FAM107B: variants seen among roughly 807,000 people sequenced by gnomAD.
The protein encoded by FAM107B is protein FAM107B.
In FAM107B, 21 loss-of-function variants were observed where a neutral mutation model predicts 31.5. The ratio of observed to expected loss-of-function variants is 0.67; its 90% CI spans 0.47 to 0.96. The LOEUF is 0.96. Among genes scored for constraint, FAM107B ranks in the 40% least tolerant of loss-of-function variants. FAM107B has a pLI of 0.00. For missense variants in FAM107B, 452 were observed against 377.1 expected (o/e 1.20, Z -1.64); for synonymous variants, 157 against 141.5 (o/e 1.11, Z -0.78).
chr10:14,551,364 T>TA (rs1293303227), intron 2 of FAM107B, among the ~76,000 whole-genome samples: 2 of 152,108 alleles, frequency 1.3e-5, no homozygotes, highest in African/African-American at 4.8e-5. Context: ...AGGCTGGTCT[T>TA]AAACTCCTGA....
intron 1 of FAM107B, among the ~76,000 whole-genome samples, chr10:14,715,988 T>C (rs1252951236): frequency 6.6e-6 from 1 of 152,160 alleles, no homozygotes; most frequent in East Asian, 1.9e-4. Flanking sequence ...CTTATAAATC[T>C]ACATTTATAT....
rs569878066 is a variant in FAM107B, at chr10:14,580,851, G to A, written c.470-50336C>T. Among the ~76,000 whole-genome samples the A allele has an allele frequency of 8.5e-5, 13 of 152,312 alleles. No individual in the cohort carries two copies. In the South Asian group the frequency reaches 2.3e-3, roughly 27 times the overall value. ...ACTTCATACCAAGATGGAACGTAATGTATTCTGCAGAACGTTCTTCCCAGA... is the reference window on the plus strand; with the variant it reads ...ACTTCATACCAAGATGGAACGTAATATATTCTGCAGAACGTTCTTCCCAGA... On this transcript the variant is annotated intron_variant, in intron 2 of 4. Transcript: ENST00000181796.
chr10:14,569,235 TG>T (rs1434018591), intron 2 of FAM107B, among the ~76,000 whole-genome samples: 2 of 152,200 alleles, frequency 1.3e-5, no homozygotes, highest in Non-Finnish European at 2.9e-5. Context: ...AAAACCCTCA[TG>T]GGTTTGCAGA....
intron 1 of FAM107B, among the ~76,000 whole-genome samples, chr10:14,761,034 A>AAAAAC (rs1554757192): frequency 6.8e-6 from 1 of 146,634 alleles, no homozygotes. Context: ...AAAAAAAAAA[A>AAAAAC]AAGAAAGACA....
intron 2 of FAM107B, among the ~76,000 whole-genome samples, chr10:14,594,128 C>T (rs1408268420): frequency 6.6e-6 from 1 of 152,178 alleles, no homozygotes; most frequent in Non-Finnish European, 1.5e-5. Flanking sequence ...GACACTATGC[C>T]TAAGAATACT....
At chr10:14,686,783 T>C (rs150385707) in intron 1 of FAM107B, among the ~76,000 whole-genome samples, 1,840 of 152,202 alleles carry the variant, frequency 0.012, 21 homozygotes, top group South Asian at 0.026. Context: ...TGAGAAGAAA[T>C]GCTAAACTGA....
In FAM107B at chr10:14,543,691, T is replaced by TAAA. The variant is rs11318873; in HGVS notation, c.470-13179_470-13177dup. Among the ~76,000 whole-genome samples the TAAA allele has an allele frequency of 2.2e-4, 31 of 138,818 alleles. No individual in the cohort carries two copies. The East Asian group carries it at 3.8e-3, about 17-fold the overall frequency. The allele number at this position is 138,818 out of a possible 152,430, so 91.1% of individuals were successfully genotyped here. ...GTTCACTATCTGATCCTAAAAACTTTAAAAAAAAAAAAAAAAAACCAAAAA... is the reference window on the plus strand; with the variant it reads ...GTTCACTATCTGATCCTAAAAACTTTAAAAAAAAAAAAAAAAAAAAACCAAAAA... On this transcript the variant is annotated intron_variant, in intron 2 of 4. Coordinates refer to ENST00000181796, the MANE Select transcript of FAM107B (RefSeq NM_031453.4).
intron 2 of FAM107B, among the ~76,000 whole-genome samples, chr10:14,565,168 A>C (rs1299183930): frequency 6.6e-6 from 1 of 152,242 alleles, no homozygotes; most frequent in Non-Finnish European, 1.5e-5. Flanking sequence ...CTTGACACTG[A>C]GGATAAAGCA....
chr10:14,703,327 CT>C (rs532320563), intron 1 of FAM107B, among the ~76,000 whole-genome samples: 453 of 138,802 alleles, frequency 3.3e-3, no homozygotes, highest in Non-Finnish European at 4.3e-3. Context: ...CCTTCTTCTT[CT>C]TTTTTTTTTT....
intron 2 of FAM107B, among the ~76,000 whole-genome samples, chr10:14,541,856 C>T (rs1264543752): frequency 6.6e-6 from 1 of 152,198 alleles, no homozygotes; most frequent in Non-Finnish European, 1.5e-5. Context: ...GCTGCCGACT[C>T]CTTGTGCCTC....
At chr10:14,552,815 C>A (rs866773318) in intron 2 of FAM107B, among the ~76,000 whole-genome samples, 6 of 151,432 alleles carry the variant, frequency 4.0e-5, no homozygotes, top group African/African-American at 1.5e-4. Context: ...CAGAGTAAGA[C>A]TCCATTAAAA....
At chr10:14,668,726 T>A (rs1307936946) in intron 1 of FAM107B, among the ~76,000 whole-genome samples, 2 of 152,186 alleles carry the variant, frequency 1.3e-5, no homozygotes, top group African/African-American at 4.8e-5. Flanking sequence ...TTCTGTGGGA[T>A]CTTAACCTTT....
At chr10:14,548,613 C>T in intron 2 of FAM107B, 3 of 985,420 alleles carry the variant, frequency 3.0e-6, no homozygotes, top group Non-Finnish European at 3.6e-6. Flanking sequence ...AGAGACAGCC[C>T]CTGAGGAGGG....
At position 14,551,699 on chromosome 10, in the gene FAM107B, A is replaced by C. The variant is rs1365155778; in HGVS notation, c.470-21184T>G. Among the ~76,000 whole-genome samples the C allele has an allele frequency of 2.0e-5, 3 of 151,640 alleles. No homozygotes were observed. The East Asian group carries it at 5.8e-4, about 29-fold the overall frequency. ...AAAATGTATTAGCTCTGGAAAAAAAAATATCTGTATTACCATTACTATAAA... is the reference window on the plus strand; with the variant it reads ...AAAATGTATTAGCTCTGGAAAAAAACATATCTGTATTACCATTACTATAAA... On this transcript the variant is annotated intron_variant, in intron 2 of 4. Coordinates refer to ENST00000181796, the MANE Select transcript of FAM107B (RefSeq NM_031453.4).
At chr10:14,545,036 G>A (rs1049478315) in intron 2 of FAM107B, among the ~76,000 whole-genome samples, 1 of 152,168 alleles carries the variant, frequency 6.6e-6, no homozygotes, top group African/African-American at 2.4e-5. Context: ...CAGTCTCTGG[G>A]GGGTGGGCCC....
intron 2 of FAM107B, among the ~76,000 whole-genome samples, chr10:14,536,578 A>G (rs1013683832): frequency 6.6e-5 from 10 of 152,222 alleles, no homozygotes; most frequent in Non-Finnish European, 1.3e-4. Flanking sequence ...AATTTTTCCC[A>G]AAGTGCAGTT....
At chr10:14,716,982 C>T (rs1026162454) in intron 1 of FAM107B, among the ~76,000 whole-genome samples, 2 of 151,910 alleles carry the variant, frequency 1.3e-5, no homozygotes, top group African/African-American at 4.8e-5. Context: ...CCCAGCTACT[C>T]GGGAGGCTGA....
chr10:14,728,320 T>C (rs1474579910), intron 1 of FAM107B, among the ~76,000 whole-genome samples: 2 of 151,262 alleles, frequency 1.3e-5, no homozygotes, highest in Admixed American at 1.3e-4. Context: ...TTTCTTTCTT[T>C]GGTATAAGGG....
intron 2 of FAM107B, chr10:14,602,349 G>C (rs936858798): frequency 6.6e-6 from 1 of 152,108 alleles, no homozygotes; most frequent in Admixed American, 6.5e-5. Context: ...ACTTCTAAAC[G>C]GTTGTCTCAA....
Sources: allele counts gnomAD v4.1 joint callset (sites outside exome capture counted in the v4.1 genomes callset), GRCh38; gene constraint gnomAD v4.1.1; transcripts MANE v1.5; gene names NCBI Gene and HGNC (gene_info 2026-07-23, HGNC 2026-07-21).